GALNT13: variants seen among roughly 807,000 people sequenced by gnomAD.
GALNT13 encodes the protein polypeptide N-acetylgalactosaminyltransferase 13.
A neutral mutation model predicts 64.2 loss-of-function variants in GALNT13; 28 were observed. That is an observed-to-expected ratio of 0.44 (90% CI 0.32 to 0.60). The LOEUF (loss-of-function observed/expected upper bound fraction) is 0.60. Ranked by LOEUF, GALNT13 falls within the 20% of genes least tolerant of loss-of-function variation. GALNT13 has a pLI of 0.05. For missense variants in GALNT13, 577 were observed against 669.8 expected, an observed-to-expected ratio of 0.86 and a Z score of 1.53; for synonymous variants, 214 against 224.6, an observed-to-expected ratio of 0.95 and a Z score of 0.42.
chr2:153,917,504 C>T (rs2105329334), intron 2 of GALNT13, among the ~76,000 whole-genome samples: 1 of 152,048 alleles, frequency 6.6e-6, no homozygotes, highest in South Asian at 2.1e-4. Context: ...GTAATTCAAA[C>T]TTAAAAATTT....
chr2:153,435,647 T>A, the GALNT13 span, among the ~76,000 whole-genome samples: 2 of 152,158 alleles, frequency 1.3e-5, no homozygotes, highest in Non-Finnish European at 2.9e-5. Flanking sequence ...TATTGGTGTA[T>A]AAGAATGCTT....
the GALNT13 span, among the ~76,000 whole-genome samples, chr2:153,335,404 G>C: frequency 6.6e-6 from 1 of 152,210 alleles, no homozygotes; most frequent in Non-Finnish European, 1.5e-5. Flanking sequence ...AAATTCTATG[G>C]TGATATGGAC....
the GALNT13 span, among the ~76,000 whole-genome samples, chr2:153,162,868 C>G: frequency 6.6e-6 from 1 of 152,090 alleles, no homozygotes; most frequent in African/African-American, 2.4e-5. Flanking sequence ...TCTTTAGTGA[C>G]TTAGAGTATG....
At chr2:154,185,831 A>G (rs900307250) in intron 4 of GALNT13, among the ~76,000 whole-genome samples, 1 of 152,032 alleles carries the variant, frequency 6.6e-6, no homozygotes, top group African/African-American at 2.4e-5. Context: ...CTGACTCCAT[A>G]TCAAGGTACT....
chr2:153,636,453 T>C, the GALNT13 span, among the ~76,000 whole-genome samples: 1 of 152,128 alleles, frequency 6.6e-6, no homozygotes, highest in Admixed American at 6.6e-5. Flanking sequence ...TAGTTTTTAT[T>C]TAATAGGCAG....
chr2:153,359,782 T>C, the GALNT13 span, among the ~76,000 whole-genome samples: 1 of 151,984 alleles, frequency 6.6e-6, no homozygotes, highest in Non-Finnish European at 1.5e-5. Flanking sequence ...TAATTACAAT[T>C]CATATATTAA....
At chr2:153,737,451 T>G in the GALNT13 span, among the ~76,000 whole-genome samples, 1 of 152,158 alleles carries the variant, frequency 6.6e-6, no homozygotes, top group East Asian at 1.9e-4. Context: ...TTCCTTATGT[T>G]ATTTTTAAAA....
chr2:153,667,766 G>A, the GALNT13 span, among the ~76,000 whole-genome samples: 1 of 152,068 alleles, frequency 6.6e-6, no homozygotes, highest in South Asian at 2.1e-4. Flanking sequence ...GGTCAAATCG[G>A]CACATATCAA....
At chr2:154,005,556 A>G (rs1696191883) in intron 3 of GALNT13, among the ~76,000 whole-genome samples, 1 of 152,158 alleles carries the variant, frequency 6.6e-6, no homozygotes, top group African/African-American at 2.4e-5. Context: ...TGGAATCTAC[A>G]TTCAAGCTTG....
the GALNT13 span, among the ~76,000 whole-genome samples, chr2:153,257,907 A>G: frequency 1.8e-4 from 28 of 152,220 alleles, no homozygotes; most frequent in Admixed American, 3.3e-4. Flanking sequence ...TATACAGCCA[A>G]TAAAAGACCC....
chr2:153,872,212 G>C lies in GALNT13; in HGVS notation c.-268G>C, dbSNP rs375004890. On this transcript the variant is annotated 5_prime_UTR_variant, in exon 1 of 13. Coordinates refer to ENST00000392825, the MANE Select transcript of GALNT13 (RefSeq NM_052917.4). ...ACTCGGCGAGCCCCGCACTCGGCGC[G>C]GCCGGCCGGCGCCTGCTGGGCTTGA... 2.0e-5 allele frequency: 3 copies of C among 151,512 alleles called. No homozygotes were observed. The South Asian group carries it at 6.2e-4, about 31-fold the overall frequency. The allele number at this position is 151,512 out of a possible 1,614,324, so 9.4% of individuals were successfully genotyped here.
rs575832990 is a variant in GALNT13 at position 153,906,999 on chromosome 2, A to G, written c.-105+5992A>G. Among the ~76,000 whole-genome samples the G allele has an allele frequency of 1.7e-4, 26 of 152,092 alleles. No individual in the cohort carries two copies. In the South Asian group the frequency reaches 5.4e-3, roughly 32 times the overall value. On this transcript the variant is annotated intron_variant, in intron 2 of 12. Transcript: ENST00000392825. ...ATTTGCATTTCTCTGATGGCCAGTG[A>G]TGATGAGCGTTTTTTCATGTGTTTT...
chr2:153,870,773 AC>A (rs1386697191), upstream of GALNT13, among the ~76,000 whole-genome samples: 1 of 151,074 alleles, frequency 6.6e-6, no homozygotes, highest in Non-Finnish European at 1.5e-5. Context: ...TGTTTGTCAA[AC>A]GTGGCTGTTT....
At chr2:154,147,723 A>C (rs899096483) in intron 4 of GALNT13, among the ~76,000 whole-genome samples, 2 of 151,982 alleles carry the variant, frequency 1.3e-5, no homozygotes, top group African/African-American at 2.4e-5. Context: ...TGTTTTTGCA[A>C]ATTCTAATTG....
At chr2:153,114,029 C>T in the GALNT13 span, among the ~76,000 whole-genome samples, 1 of 151,984 alleles carries the variant, frequency 6.6e-6, no homozygotes, top group East Asian at 1.9e-4. Flanking sequence ...GTTGCCCAAC[C>T]CCATTTTAGC....
At chr2:153,606,927 A>G in the GALNT13 span, among the ~76,000 whole-genome samples, 3 of 142,294 alleles carry the variant, frequency 2.1e-5, no homozygotes, top group African/African-American at 8.0e-5. Flanking sequence ...CATACTCCCT[A>G]TCAATCACTT....
chr2:153,771,188 G>T, the GALNT13 span, among the ~76,000 whole-genome samples: 1 of 152,156 alleles, frequency 6.6e-6, no homozygotes, highest in Non-Finnish European at 1.5e-5. Flanking sequence ...GGGGATGGGA[G>T]AAAATACTTA....
At chr2:153,689,694 G>A in the GALNT13 span, among the ~76,000 whole-genome samples, 1 of 151,898 alleles carries the variant, frequency 6.6e-6, no homozygotes, top group Non-Finnish European at 1.5e-5. Context: ...TGAAGTCAGC[G>A]ATCATACTTA....
the GALNT13 span, among the ~76,000 whole-genome samples, chr2:153,348,330 G>A: frequency 6.6e-6 from 1 of 152,162 alleles, no homozygotes; most frequent in Non-Finnish European, 1.5e-5. Flanking sequence ...ACTAAAGCCT[G>A]CTAGGTCACA....
Sources: allele counts gnomAD v4.1 joint callset (sites outside exome capture counted in the v4.1 genomes callset), GRCh38; gene constraint gnomAD v4.1.1; transcripts MANE v1.5; gene names NCBI Gene and HGNC (gene_info 2026-07-23, HGNC 2026-07-21).